TRPM3: variants seen among roughly 807,000 people sequenced by gnomAD.
TRPM3 encodes transient receptor potential cation channel subfamily M member 3.
In TRPM3, 77 loss-of-function variants were observed where a neutral mutation model predicts 181.2. The observed-to-expected ratio is 0.42, with a 90% confidence interval of 0.35 to 0.51. TRPM3 has a LOEUF of 0.51. Among genes scored for constraint, TRPM3 ranks in the 20% least tolerant of loss-of-function variants. The probability of loss-of-function intolerance (pLI) is 0.01; values close to 1 mark genes in which losing one functional copy is unlikely to be tolerated. For missense variants in TRPM3, 1,759 were observed against 2,196.7 expected (o/e 0.80, Z 3.98); for synonymous variants, 745 against 796.4 (o/e 0.94, Z 1.09).
intron 6 of TRPM3, among the ~76,000 whole-genome samples, chr9:70,815,752 C>T (rs1322524611): frequency 6.6e-6 from 1 of 152,078 alleles, no homozygotes; most frequent in Non-Finnish European, 1.5e-5. Flanking sequence ...CTTTGCATTG[C>T]CACTTGTCTT....
chr9:70,939,460 C>T (rs1226444675), intron 1 of TRPM3, among the ~76,000 whole-genome samples: 1 of 152,174 alleles, frequency 6.6e-6, no homozygotes, highest in Non-Finnish European at 1.5e-5. Flanking sequence ...GTCAGCCTAA[C>T]TGCTTAGAGC....
chr9:70,933,874 C>A (rs2096798713), intron 1 of TRPM3, among the ~76,000 whole-genome samples: 1 of 151,474 alleles, frequency 6.6e-6, no homozygotes, highest in Non-Finnish European at 1.5e-5. Flanking sequence ...AAAACCCAGG[C>A]ACAGGATTGG....
intron 1 of TRPM3, among the ~76,000 whole-genome samples, chr9:71,356,722 G>C (rs1367488878): frequency 1.3e-5 from 2 of 152,058 alleles, no homozygotes; most frequent in South Asian, 4.2e-4. Flanking sequence ...TGATGTAGTA[G>C]CACAAAATTG....
intron 9 of TRPM3, among the ~76,000 whole-genome samples, chr9:70,641,483 C>T (rs1031153291): frequency 1.3e-5 from 2 of 152,158 alleles, no homozygotes; most frequent in Admixed American, 6.6e-5. Context: ...GGCAAACCAG[C>T]GGCTTAGGTT....
chr9:70,552,871 C>T lies in TRPM3; in HGVS notation c.3547G>A (p.Asp1183Asn), dbSNP rs1349694731. The part of the protein sequence containing the change: ...LCCRWRKHES[D>N]PDERDYGLKL... Reference sequence around the variant, plus strand: ...AGGCCGTAGTCCCTTTCATCCGGGTCGCTCTCGTGTTTCCTCCATCGGCAG... The same window carrying T: ...AGGCCGTAGTCCCTTTCATCCGGGTTGCTCTCGTGTTTCCTCCATCGGCAG... Residue 1183 changes from aspartate (D) to asparagine (N), a missense_variant, in exon 24 of 26, where the codon GAC becomes AAC. Transcript: ENST00000677713. 9 of 1,614,010 alleles carry T rather than the reference C, an allele frequency of 5.6e-6. No homozygotes were observed. Among genetic ancestry groups the T allele is most frequent in the East Asian group, 2.2e-5 (1 of 44,894 alleles).
chr9:70,910,390 T>C (rs2096526326), intron 1 of TRPM3, among the ~76,000 whole-genome samples: 1 of 152,266 alleles, frequency 6.6e-6, no homozygotes, highest in East Asian at 1.9e-4. Context: ...GGGAGGAGGC[T>C]ATGAATAGTG....
intron 8 of TRPM3, among the ~76,000 whole-genome samples, chr9:70,741,383 C>G (rs1011183207): frequency 1.3e-5 from 2 of 152,142 alleles, no homozygotes; most frequent in Non-Finnish European, 2.9e-5. Context: ...GGAATGTAAT[C>G]TAGTACAACC....
chr9:71,203,564 G>C lies in TRPM3; in HGVS notation c.183+243089C>G, dbSNP rs143834297. Among the ~76,000 whole-genome samples the C allele has an allele frequency of 2.0e-5, 3 of 152,316 alleles. No individual in the cohort carries two copies. The East Asian group carries it at 5.8e-4, about 29-fold the overall frequency. ...ATCAGAAAGAATAACTTTGGAGACTGTCTGTGTTGAAGTCCCAGTTATGCT... is the reference window on the plus strand; with the variant it reads ...ATCAGAAAGAATAACTTTGGAGACTCTCTGTGTTGAAGTCCCAGTTATGCT... On this transcript the variant is annotated intron_variant, in intron 1 of 24. Transcript: ENST00000357533.
chr9:70,753,915 G>A (rs962364915), intron 8 of TRPM3, among the ~76,000 whole-genome samples: 1 of 152,164 alleles, frequency 6.6e-6, no homozygotes, highest in Non-Finnish European at 1.5e-5. Flanking sequence ...GGACTCACCA[G>A]TGTGGAAGCA....
At chr9:71,406,573 T>C (rs1195509227) in intron 1 of TRPM3, among the ~76,000 whole-genome samples, 1 of 152,164 alleles carries the variant, frequency 6.6e-6, no homozygotes, top group East Asian at 1.9e-4. Context: ...TTTTTTTAAA[T>C]AGAGAAAATA....
chr9:71,322,411 A>C (rs543464513), intron 1 of TRPM3, among the ~76,000 whole-genome samples: 1 of 152,286 alleles, frequency 6.6e-6, no homozygotes, highest in South Asian at 2.1e-4. Context: ...ATTCTTTTAA[A>C]TGAAAGGTCA....
chr9:70,964,554 C>T (rs2097167693), intron 1 of TRPM3, among the ~76,000 whole-genome samples: 1 of 152,016 alleles, frequency 6.6e-6, no homozygotes. Context: ...TGTCAAAAGG[C>T]CAGGAAGAAT....
chr9:70,957,301 CTT>C (rs1268212376), intron 1 of TRPM3, among the ~76,000 whole-genome samples: 1 of 152,080 alleles, frequency 6.6e-6, no homozygotes, highest in African/African-American at 2.4e-5. Flanking sequence ...TTTCACTAGA[CTT>C]GTGTACAATT....
chr9:70,889,878 A>G (rs2096166699), intron 1 of TRPM3, among the ~76,000 whole-genome samples: 1 of 150,304 alleles, frequency 6.7e-6, no homozygotes, highest in African/African-American at 2.4e-5. Context: ...TATGGCATAT[A>G]CTTAGTATAT....
chr9:71,196,423 T>C (rs2078367791), intron 1 of TRPM3, among the ~76,000 whole-genome samples: 1 of 151,976 alleles, frequency 6.6e-6, no homozygotes, highest in Non-Finnish European at 1.5e-5. Context: ...AAATTGTATT[T>C]ATCTATATTG....
chr9:71,046,701 G>T (rs2059480979), intron 1 of TRPM3, among the ~76,000 whole-genome samples: 1 of 152,084 alleles, frequency 6.6e-6, no homozygotes, highest in Non-Finnish European at 1.5e-5. Context: ...TAGGAAAAAA[G>T]AAATTAATTA....
At chr9:71,033,842 G>A (rs754883667) in intron 1 of TRPM3, among the ~76,000 whole-genome samples, 10 of 152,066 alleles carry the variant, frequency 6.6e-5, no homozygotes, top group Admixed American at 2.6e-4. Flanking sequence ...TCAGGGTCAC[G>A]GGTGGCCAGA....
intron 1 of TRPM3, among the ~76,000 whole-genome samples, chr9:71,397,437 T>G (rs773469793): frequency 1.3e-5 from 2 of 152,186 alleles, no homozygotes; most frequent in Non-Finnish European, 2.9e-5. Context: ...TCTTAATAAC[T>G]GTGATTCTTT....
intron 1 of TRPM3, among the ~76,000 whole-genome samples, chr9:70,951,105 G>A (rs547190040): frequency 8.5e-5 from 13 of 152,170 alleles, no homozygotes; most frequent in Admixed American, 7.9e-4. Flanking sequence ...CTATTATTAT[G>A]TAAGTAATCA....
Sources: gnomAD v4.1 joint callset for allele counts (sites outside exome capture counted in the v4.1 genomes callset) on GRCh38, gnomAD v4.1.1 for gene constraint, MANE v1.5 for transcripts, NCBI Gene and HGNC (gene_info 2026-07-23, HGNC 2026-07-21) for gene names.